ACSL1: variants seen among roughly 807,000 people sequenced by gnomAD.
ACSL1 encodes the protein long-chain-fatty-acid--CoA ligase 1.
Under a neutral mutation model 98.4 loss-of-function variants are expected in ACSL1, and 41 were observed. That is an observed-to-expected ratio of 0.42 (90% CI 0.32 to 0.54). The LOEUF (loss-of-function observed/expected upper bound fraction) is 0.54, where lower values mean the gene tolerates loss of function less well. Among genes scored for constraint, ACSL1 ranks in the 20% least tolerant of loss-of-function variants. The probability of loss-of-function intolerance (pLI) is 0.13; values close to 1 mark genes in which losing one functional copy is unlikely to be tolerated. For synonymous variants in ACSL1, 316 were observed against 322.7 expected (o/e 0.98, Z 0.22); for missense variants, 734 against 883.1 (o/e 0.83, Z 2.14).
chr4:184,801,067 G>T (rs754595396), intron 2 of ACSL1, among the ~76,000 whole-genome samples: 1 of 152,182 alleles, frequency 6.6e-6, no homozygotes, highest in Non-Finnish European at 1.5e-5. Flanking sequence ...TGTTGCCCAT[G>T]CTGGTCTCAA....
intron 1 of ACSL1, among the ~76,000 whole-genome samples, chr4:184,824,064 A>G (rs986987291): frequency 2.0e-5 from 3 of 152,220 alleles, no homozygotes; most frequent in Non-Finnish European, 4.4e-5. Flanking sequence ...CTGCCAAAAT[A>G]GGAACAACAG....
intron 1 of ACSL1, among the ~76,000 whole-genome samples, chr4:184,822,182 T>C (rs1773114075): frequency 6.6e-6 from 1 of 152,014 alleles, no homozygotes; most frequent in African/African-American, 2.4e-5. Flanking sequence ...TTTCTAGAGA[T>C]GGGGTCTTGC....
chr4:184,780,540 A>C (rs1766076180), intron 4 of ACSL1, 107 bp from the exon 5 acceptor site: 9 of 704,770 alleles, frequency 1.3e-5, no homozygotes, highest in South Asian at 1.2e-4. Flanking sequence ...TGCTGCACAC[A>C]GAAACGGAGA....
chr4:184,800,957 A>G (rs1770403316), intron 2 of ACSL1, among the ~76,000 whole-genome samples: 1 of 152,154 alleles, frequency 6.6e-6, no homozygotes, highest in Admixed American at 6.5e-5. Flanking sequence ...GGTTCAAATG[A>G]TTCGTCCACT....
intron 1 of ACSL1, among the ~76,000 whole-genome samples, chr4:184,813,131 T>A (rs1164596475): frequency 6.6e-6 from 1 of 152,160 alleles, no homozygotes. Context: ...AAATGATGAT[T>A]ATAGTTAGGA....
chr4:184,823,577 A>G (rs1473224846), intron 1 of ACSL1, among the ~76,000 whole-genome samples: 1 of 152,228 alleles, frequency 6.6e-6, no homozygotes, highest in Non-Finnish European at 1.5e-5. Context: ...TAATGACAAG[A>G]CAACCTTATC....
At chr4:184,772,976 T>C (rs919809480) in intron 10 of ACSL1, 105 bp downstream of exon 10, 11 of 1,066,972 alleles carry the variant, frequency 1.0e-5, no homozygotes, top group Middle Eastern at 2.1e-4. Flanking sequence ...ACATCGTTTC[T>C]AAATGCCACA....
intron 2 of ACSL1, among the ~76,000 whole-genome samples, chr4:184,799,274 G>A (rs6552827): frequency 0.018 from 2,718 of 151,948 alleles, 91 homozygotes; most frequent in African/African-American, 0.063. Flanking sequence ...ACGCCACCAC[G>A]CCTGGCTAAT....
chr4:184,757,360 C>A lies in ACSL1; in HGVS notation c.1957-95G>T. The A allele has an allele frequency of 7.1e-7, 1 of 1,408,660 alleles. No homozygotes were observed. The highest frequency in any genetic ancestry group is 9.5e-7 in the Non-Finnish European group (1 of 1,048,376). 87.3% of individuals were successfully genotyped at this position (1,408,660 alleles called of 1,614,324 possible). ...TTGGAGGGGATCAACACTCTCCAGC[C>A]ATCCAATCCATCCTCTCATTTCAGC... On this transcript the variant is annotated intron_variant, in intron 20 of 20. Transcript: ENST00000281455. This position sits in a 1 kb window ranked among gnomAD's most constrained non-coding sequence, Gnocchi z 4.5.
At chr4:184,797,688 T>C (rs981835762) in intron 2 of ACSL1, among the ~76,000 whole-genome samples, 3 of 152,204 alleles carry the variant, frequency 2.0e-5, no homozygotes, top group Admixed American at 6.5e-5. Context: ...TTCTATGGCA[T>C]GAAAACAAGT....
intron 2 of ACSL1, among the ~76,000 whole-genome samples, chr4:184,796,352 A>G (rs1209136485): frequency 3.3e-5 from 5 of 152,136 alleles, no homozygotes; most frequent in African/African-American, 1.2e-4. Flanking sequence ...TATCCATCCT[A>G]TTAGCTCTGT....
intron 18 of ACSL1, chr4:184,758,144 T>C (rs1579822999): frequency 3.9e-6 from 2 of 510,030 alleles, no homozygotes; most frequent in East Asian, 6.2e-5. Context: ...TTAATGTTTT[T>C]AAAAAACCAC....
intron 1 of ACSL1, among the ~76,000 whole-genome samples, chr4:184,820,260 G>A (rs1275951814): frequency 6.6e-6 from 1 of 152,102 alleles, no homozygotes. Flanking sequence ...CTCATGATCC[G>A]CCCACCTCGG....
In ACSL1 at chr4:184,822,736, T is replaced by C. The variant is rs1383021923; in HGVS notation, c.-33+3180A>G. Among the ~76,000 whole-genome samples the C allele has an allele frequency of 7.3e-5, 11 of 151,410 alleles. No homozygotes were observed. The East Asian group carries it at 1.4e-3, about 19-fold the overall frequency. The stretch of plus-strand genomic sequence containing the variant: ...ACCTGGGCGACAGAGTGAGACCTTA[T>C]CTGGGAAAAAAGAAAAAAAAAAGAA... On this transcript the variant is annotated intron_variant, in intron 1 of 20. Transcript: ENST00000281455.
chr4:184,802,995 C>T (rs1443163502), intron 2 of ACSL1, among the ~76,000 whole-genome samples: 1 of 152,162 alleles, frequency 6.6e-6, no homozygotes, highest in Non-Finnish European at 1.5e-5. Context: ...CCTGTGAGAA[C>T]AGGGGTTCTG....
At position 184,757,179 on chromosome 4, in the gene ACSL1, C is replaced by T. The variant is rs1762216927; in HGVS notation, c.2043G>A (p.Leu681=). The T allele has an allele frequency of 1.2e-6, 2 of 1,609,680 alleles. No homozygotes were observed. The highest frequency in any genetic ancestry group is 1.7e-6 in the Non-Finnish European group (2 of 1,176,276). The change falls in exon 21 of 21, where the codon CTG becomes CTA. Residue 681 remains leucine (L), a synonymous_variant. Coordinates refer to ENST00000281455, the MANE Select transcript of ACSL1 (RefSeq NM_001995.5). The surrounding 1 kb of genome is among the most constrained non-coding windows in gnomAD (Gnocchi z 4.5). The part of the protein sequence containing the change: ...TPTMKAKRPE[L]RNYFRSQIDD... ...CTATCTGCGACCTGAAATAGTTCCG[C>T]AGCTCTGGCCTTTTCGCCTTCATTG...
At chr4:184,796,125 A>T (rs1395542533) in intron 2 of ACSL1, among the ~76,000 whole-genome samples, 2 of 152,202 alleles carry the variant, frequency 1.3e-5, no homozygotes, top group African/African-American at 4.8e-5. Flanking sequence ...AGCATGGCCA[A>T]AATTAAAAGC....
In ACSL1 at chr4:184,757,272, A is replaced by G. The variant is rs1447951574; in HGVS notation, c.1957-7T>C. 6.3e-7 allele frequency: 1 copy of G among 1,588,078 alleles called. No homozygotes were observed. Among genetic ancestry groups the G allele is most frequent in the Non-Finnish European group, 8.6e-7 (1 of 1,160,454 alleles). On this transcript the variant is annotated splice_region_variant and splice_polypyrimidine_tract_variant and intron_variant, in intron 20 of 20. Transcript: ENST00000281455. This position sits in a 1 kb window ranked among gnomAD's most constrained non-coding sequence, Gnocchi z 4.5. ...GCAATGTGATGCCTTTGACCTGCCA[A>G]TAAACAAGGCAGTTAAAAGAGGAAA...
intron 1 of ACSL1, among the ~76,000 whole-genome samples, chr4:184,815,647 T>C (rs570116950): frequency 2.0e-4 from 31 of 152,102 alleles, no homozygotes; most frequent in Non-Finnish European, 2.8e-4. Context: ...CCTCTTAAAA[T>C]AGACCAAGGT....
Sources: allele counts gnomAD v4.1 joint callset (sites outside exome capture counted in the v4.1 genomes callset), GRCh38; gene constraint gnomAD v4.1.1; non-coding constraint Gnocchi (gnomAD v3.1); transcripts MANE v1.5; gene names NCBI Gene and HGNC (gene_info 2026-07-23, HGNC 2026-07-21).